Variants in C2orf80 observed in about 807,000 individuals in gnomAD.
The protein encoded by C2orf80 is uncharacterized protein C2orf80.
In C2orf80, 28 loss-of-function variants were observed where a neutral mutation model predicts 30.2. The ratio of observed to expected loss-of-function variants is 0.93; its 90% CI spans 0.69 to 1.27. The LOEUF is 1.27. C2orf80 is among the 50% of genes most tolerant of loss of function. The pLI, the probability that C2orf80 is intolerant of heterozygous loss-of-function variation, is 0.00. For missense variants in C2orf80, 220 were observed against 231.0 expected, an observed-to-expected ratio of 0.95 and a Z score of 0.31; for synonymous variants, 80 against 76.4, an observed-to-expected ratio of 1.05 and a Z score of -0.24.
intron 6 of C2orf80, among the ~76,000 whole-genome samples, chr2:208,173,581 T>C (rs893137185): frequency 1.8e-4 from 27 of 151,516 alleles, no homozygotes; most frequent in Admixed American, 4.6e-4. Context: ...GCCGAGATCG[T>C]GCCACTGCAC....
intron 6 of C2orf80, 119 bp downstream of exon 6, chr2:208,180,626 A>T (rs893553302): frequency 2.6e-6 from 2 of 778,304 alleles, no homozygotes; most frequent in African/African-American, 3.5e-5. Flanking sequence ...GGTTTTGTAC[A>T]TTTTGATGTA....
At chr2:208,181,105 C>A in intron 5 of C2orf80, 113 bp downstream of exon 5, 1 of 817,950 alleles carries the variant, frequency 1.2e-6, no homozygotes, top group Non-Finnish European at 1.9e-6. Flanking sequence ...CTATCAATAA[C>A]TCCTAAACAT....
chr2:208,171,866 A>T, intron 7 of C2orf80, 122 bp downstream of exon 7: 1 of 874,464 alleles, frequency 1.1e-6, no homozygotes, highest in Non-Finnish European at 1.9e-6. Flanking sequence ...TGGTTCTTTT[A>T]AATTCAACCA....
At chr2:208,177,832 T>TTTA (rs1317703177) in intron 6 of C2orf80, among the ~76,000 whole-genome samples, 1 of 139,244 alleles carries the variant, frequency 7.2e-6, no homozygotes, top group African/African-American at 2.7e-5. Context: ...TTATTTATTT[T>TTTA]TTATTTTTTT....
intron 8 of C2orf80, among the ~76,000 whole-genome samples, chr2:208,166,899 C>T (rs1243467111): frequency 1.3e-5 from 2 of 152,148 alleles, no homozygotes; most frequent in African/African-American, 2.4e-5. Flanking sequence ...ATCCGCCCGC[C>T]TCGGCTTCCC....
intron 8 of C2orf80, among the ~76,000 whole-genome samples, chr2:208,168,848 C>T (rs1371826885): frequency 2.0e-5 from 3 of 147,598 alleles, no homozygotes; most frequent in African/African-American, 7.6e-5. Context: ...CTCCTGGGCT[C>T]GCAAGCATCA....
At chr2:208,180,884 G>T in intron 5 of C2orf80, 68 bp from the exon 6 acceptor site, 1 of 1,307,862 alleles carries the variant, frequency 7.6e-7, no homozygotes, top group Non-Finnish European at 1.1e-6. Context: ...ATAAAACAAA[G>T]CTAATATAGC....
At chr2:208,176,015 A>G (rs1160461898) in intron 6 of C2orf80, among the ~76,000 whole-genome samples, 1 of 152,160 alleles carries the variant, frequency 6.6e-6, no homozygotes. Flanking sequence ...GGTAATTCAA[A>G]TTACGCCCTC....
chr2:208,183,097 G>C (rs747014559), intron 3 of C2orf80, 50 bp from the exon 4 acceptor site: 4 of 1,463,950 alleles, frequency 2.7e-6, no homozygotes. Context: ...GACATTGGCC[G>C]AAGTACTCCC....
intron 6 of C2orf80, among the ~76,000 whole-genome samples, chr2:208,175,434 G>A (rs1696256325): frequency 6.6e-6 from 1 of 152,184 alleles, no homozygotes; most frequent in South Asian, 2.1e-4. Context: ...GCAAAAAGCA[G>A]TTCCCTCTCA....
chr2:208,165,796 A>G lies in C2orf80; in HGVS notation c.*11T>C, dbSNP rs75916583. 6,540 of 1,611,750 alleles carry G rather than the reference A, an allele frequency of 4.1e-3. 228 individuals carry two copies. In the African/African-American group the frequency reaches 0.076, roughly 19 times the overall value. ...ATCTATTATGAAGTTCCATGGTACA[A>G]TTCCAATTTTCTAAGTGACCTGCAG... On this transcript the variant is annotated 3_prime_UTR_variant, in exon 9 of 9. Coordinates refer to ENST00000341287, the MANE Select transcript of C2orf80 (RefSeq NM_001099334.3).
intron 7 of C2orf80, among the ~76,000 whole-genome samples, chr2:208,171,487 AT>A (rs1220980610): frequency 6.6e-6 from 1 of 151,984 alleles, no homozygotes; most frequent in Non-Finnish European, 1.5e-5. Context: ...CACCCAGCTA[AT>A]TTTTGTATTT....
intron 6 of C2orf80, among the ~76,000 whole-genome samples, chr2:208,178,682 G>C (rs1367795892): frequency 6.6e-6 from 1 of 152,098 alleles, no homozygotes; most frequent in African/African-American, 2.4e-5. Context: ...GGGAGGCCAA[G>C]GTGGGAGGAT....
At chr2:208,168,383 CA>C in intron 8 of C2orf80, 1 of 321,802 alleles carries the variant, frequency 3.1e-6, no homozygotes, top group Non-Finnish European at 6.0e-6. Flanking sequence ...ATACATTACC[CA>C]AGAGTTGGGC....
chr2:208,187,579 T>C (rs12986551), intron 1 of C2orf80, among the ~76,000 whole-genome samples: 21,667 of 152,040 alleles, frequency 0.14, 1,701 homozygotes, highest in South Asian at 0.22. Flanking sequence ...GAACCAGAAA[T>C]TGAAGATCAG....
chr2:208,177,740 G>C (rs1227180252), intron 6 of C2orf80, among the ~76,000 whole-genome samples: 1 of 152,156 alleles, frequency 6.6e-6, no homozygotes, highest in Non-Finnish European at 1.5e-5. Flanking sequence ...TGAGTGATCA[G>C]ATGGATAGGT....
chr2:208,174,238 C>T (rs946340865), intron 6 of C2orf80, among the ~76,000 whole-genome samples: 7 of 152,086 alleles, frequency 4.6e-5, no homozygotes, highest in African/African-American at 1.7e-4. Context: ...ACAGATACTG[C>T]GCCTGGCCAA....
At chr2:208,189,741 A>G (rs1296713821) in intron 1 of C2orf80, 20 of 566,638 alleles carry the variant, frequency 3.5e-5, no homozygotes, top group South Asian at 4.5e-5. Context: ...GAGGTACTGG[A>G]AAGATGTCAG....
intron 6 of C2orf80, among the ~76,000 whole-genome samples, chr2:208,174,090 C>T (rs1696199010): frequency 6.6e-6 from 1 of 152,092 alleles, no homozygotes; most frequent in South Asian, 2.1e-4. Context: ...GAAGCAGGGA[C>T]TGTAGACACA....
Sources: gnomAD v4.1 joint callset for allele counts (sites outside exome capture counted in the v4.1 genomes callset) on GRCh38, gnomAD v4.1.1 for gene constraint, MANE v1.5 for transcripts, NCBI Gene and HGNC (gene_info 2026-07-23, HGNC 2026-07-21) for gene names.